The following ZNF469 variants were observed in gnomAD, a reference collection of about 807,000 sequenced individuals.
ZNF469 encodes zinc finger protein 469.
ZNF469 carries 1 observed loss-of-function variant against 1.0 expected under a neutral mutation model. That is an observed-to-expected ratio of 1.00 (90% CI 0.35 to 4.73). ZNF469 has a LOEUF of 4.73. ZNF469 is among the 30% of genes most tolerant of loss of function. The probability of loss-of-function intolerance (pLI) is 0.16; values close to 1 mark genes in which losing one functional copy is unlikely to be tolerated. For missense variants in ZNF469, 6,100 were observed against 5,356.3 expected (o/e 1.14, Z -4.33); for synonymous variants, 2,703 against 2,363.4 (o/e 1.14, Z -4.17).
At chr16:88,239,637 G>A in the ZNF469 span, among the ~76,000 whole-genome samples, 4 of 124,760 alleles carry the variant, frequency 3.2e-5, no homozygotes, top group African/African-American at 1.2e-4. Flanking sequence ...ACAGGCACCT[G>A]CCACCACGCC....
chr16:88,130,166 G>A, the ZNF469 span, among the ~76,000 whole-genome samples: 1 of 152,168 alleles, frequency 6.6e-6, no homozygotes, highest in African/African-American at 2.4e-5. Flanking sequence ...CTTCCCAGAT[G>A]GCAGCTTGCA....
the ZNF469 span, among the ~76,000 whole-genome samples, chr16:88,160,715 C>T: frequency 6.6e-5 from 10 of 152,208 alleles, no homozygotes; most frequent in African/African-American, 1.2e-4. Flanking sequence ...CTGTACCTCC[C>T]GTTGGTGGTG....
the ZNF469 span, among the ~76,000 whole-genome samples, chr16:88,237,757 C>T: frequency 8.3e-5 from 9 of 108,226 alleles, no homozygotes; most frequent in African/African-American, 2.8e-4. Flanking sequence ...CCCTGCCCTC[C>T]TTGCTCCTGC....
chr16:88,127,576 A>T, the ZNF469 span, among the ~76,000 whole-genome samples: 9 of 152,174 alleles, frequency 5.9e-5, no homozygotes, highest in African/African-American at 2.2e-4. Flanking sequence ...CGGTATTCAG[A>T]TACGGCGAAA....
the ZNF469 span, among the ~76,000 whole-genome samples, chr16:88,300,549 G>A: frequency 0.027 from 4,161 of 152,110 alleles, 188 homozygotes; most frequent in African/African-American, 0.096. Context: ...AGCAGGGAGC[G>A]CTTCTCTCGG....
the ZNF469 span, among the ~76,000 whole-genome samples, chr16:88,298,671 G>A: frequency 6.6e-6 from 1 of 152,014 alleles, no homozygotes; most frequent in Admixed American, 6.5e-5. Context: ...GGACACGGAG[G>A]GAGGCAATGT....
chr16:88,219,935 G>C, the ZNF469 span, among the ~76,000 whole-genome samples: 9 of 152,262 alleles, frequency 5.9e-5, no homozygotes, highest in Admixed American at 3.3e-4. Flanking sequence ...CTAGAGAGAA[G>C]GCACCTGAGA....
chr16:88,176,460 T>C, the ZNF469 span, among the ~76,000 whole-genome samples: 1 of 151,870 alleles, frequency 6.6e-6, no homozygotes, highest in Non-Finnish European at 1.5e-5. Flanking sequence ...AGATTTGTTC[T>C]GCAGTGCCAA....
At chr16:88,334,821 G>A in the ZNF469 span, among the ~76,000 whole-genome samples, 23,947 of 151,884 alleles carry the variant, frequency 0.16, 2,467 homozygotes, top group Non-Finnish European at 0.24. Flanking sequence ...GGAGCCGTGT[G>A]GGAAGATGCC....
chr16:88,305,812 GCA>G, the ZNF469 span, among the ~76,000 whole-genome samples: 44 of 152,124 alleles, frequency 2.9e-4, no homozygotes, highest in African/African-American at 1.0e-3. Flanking sequence ...ACACATGTAT[GCA>G]CACTCACCAC....
chr16:88,292,164 G>A, the ZNF469 span, among the ~76,000 whole-genome samples: 1 of 152,210 alleles, frequency 6.6e-6, no homozygotes, highest in Non-Finnish European at 1.5e-5. Flanking sequence ...GGGGGAGCCA[G>A]AAGGGGCCCT....
the ZNF469 span, among the ~76,000 whole-genome samples, chr16:88,185,171 A>T: frequency 6.7e-6 from 1 of 148,780 alleles, no homozygotes; most frequent in East Asian, 2.0e-4. Flanking sequence ...GCACACCCAG[A>T]CATGGATACA....
chr16:88,222,160 T>A, the ZNF469 span, among the ~76,000 whole-genome samples: 1 of 152,214 alleles, frequency 6.6e-6, no homozygotes, highest in Non-Finnish European at 1.5e-5. Context: ...AGAATGTGAA[T>A]CCTTATCTCA....
At chr16:88,362,857 C>A in the ZNF469 span, among the ~76,000 whole-genome samples, 4 of 152,258 alleles carry the variant, frequency 2.6e-5, no homozygotes, top group African/African-American at 9.6e-5. Context: ...CATAGCAGAC[C>A]TTTTGATATT....
rs1906046125 is a variant in ZNF469 at position 88,430,248 on chromosome 16, G to A, written c.2778G>A (p.Thr926=). Residue 926 remains threonine (T), a synonymous_variant, in exon 3 of 3, where the codon ACG becomes ACA. Coordinates refer to ENST00000565624, the MANE Select transcript of ZNF469 (RefSeq NM_001367624.2). ...RGCPARGRPK[T]RSLGLAPTEA... ...GCCCAGCCCGAGGCAGGCCCAAAAC[G>A]CGTTCCCTGGGTCTGGCCCCCACCG... The A allele has an allele frequency of 1.3e-6, 2 of 1,527,214 alleles. No individual in the cohort carries two copies. The highest frequency in any genetic ancestry group is 1.2e-5 in the South Asian group (1 of 82,278). The allele number at this position is 1,527,214 out of a possible 1,614,324, so 94.6% of individuals were successfully genotyped here.
chr16:88,384,253 G>C (rs6500423), intron 1 of ZNF469, among the ~76,000 whole-genome samples: 80,754 of 152,076 alleles, frequency 0.53, 21,706 homozygotes, highest in Non-Finnish European at 0.57. Context: ...CGGTAGTGTC[G>C]TGGACAGCCC....
chr16:88,435,979 C>T lies in ZNF469; in HGVS notation c.8509C>T (p.Pro2837Ser), dbSNP rs1382208965. ...TQGGVQGPEG[P>S]TPDASGSSAK... ...GGGTGGAGTCCAGGGGCCTGAAGGC[C>T]CCACTCCTGATGCCTCTGGCTCCAG... Residue 2837 changes from proline to serine, a missense_variant, in exon 3 of 3, where the codon CCC becomes TCC. Coordinates refer to ENST00000565624, the MANE Select transcript of ZNF469 (RefSeq NM_001367624.2). The T allele has an allele frequency of 1.3e-6, 2 of 1,550,058 alleles. No individual in the cohort carries two copies. Among genetic ancestry groups the T allele is most frequent in the Non-Finnish European group, 1.7e-6 (2 of 1,146,966 alleles).
chr16:88,434,657 T>C lies in ZNF469; in HGVS notation c.7187T>C (p.Val2396Ala). 1 of 1,550,062 alleles carries C rather than the reference T, an allele frequency of 6.5e-7. No homozygotes were observed. Among genetic ancestry groups the C allele is most frequent in the South Asian group, 1.2e-5 (1 of 84,030 alleles). ...TCTGGTGCTACCAAGATGCCCAGGGTCACCTGCCCTTCCACAGGACTGGGC... is the reference window on the plus strand; with the variant it reads ...TCTGGTGCTACCAAGATGCCCAGGGCCACCTGCCCTTCCACAGGACTGGGC... ...GRSGATKMPR[V>A]TCPSTGLGLG... Residue 2396 changes from valine to alanine, a missense_variant, in exon 3 of 3, where the codon GTC becomes GCC. Transcript: ENST00000565624.
At chr16:88,103,740 G>C in the ZNF469 span, among the ~76,000 whole-genome samples, 4 of 149,860 alleles carry the variant, frequency 2.7e-5, no homozygotes, top group African/African-American at 1.0e-4. Flanking sequence ...GGGAGCGGTG[G>C]AATAATCCTC....
Sources: allele counts gnomAD v4.1 joint callset (sites outside exome capture counted in the v4.1 genomes callset), GRCh38; gene constraint gnomAD v4.1.1; transcripts MANE v1.5; gene names NCBI Gene and HGNC (gene_info 2026-07-23, HGNC 2026-07-21).